PDLIM7: variants seen among roughly 807,000 people sequenced by gnomAD.
The protein encoded by PDLIM7 is PDZ and LIM domain protein 7.
PDLIM7 carries 37 observed loss-of-function variants against 53.9 expected under a neutral mutation model. The ratio of observed to expected loss-of-function variants is 0.69; its 90% CI spans 0.53 to 0.90. The LOEUF (loss-of-function observed/expected upper bound fraction) is 0.90, where lower values mean the gene tolerates loss of function less well. Ranked by LOEUF, PDLIM7 falls within the 40% of genes least tolerant of loss-of-function variation. The pLI is 0.00. For synonymous variants in PDLIM7, 300 were observed against 261.3 expected (o/e 1.15, Z -1.43); for missense variants, 617 against 638.5 (o/e 0.97, Z 0.36).
chr5:177,483,897 G>A lies in PDLIM7; in HGVS notation c.1257C>T (p.Phe419=), dbSNP rs757905078. The A allele has an allele frequency of 8.7e-6, 14 of 1,613,666 alleles. No homozygotes were observed. Among genetic ancestry groups the A allele is most frequent in the African/African-American group, 4.0e-5 (3 of 74,908 alleles). Residue 419 remains phenylalanine (F), a synonymous_variant, in exon 12 of 13, where the codon TTC becomes TTT. Transcript: ENST00000355841. ...AGDRFLEALG[F]SWHDTCFVCA... is the part of the protein sequence containing the mutation. ...AGACGAAGCAGGTGTCATGCCAGCT[G>A]AAGCCCAGGGCCTCCAGGAAGCGGT... is the stretch of plus-strand genomic sequence containing the variant.
At chr5:177,491,779 G>T (rs1758801494) in intron 5 of PDLIM7, 28 bp downstream of exon 5, 1 of 1,083,292 alleles carries the variant, frequency 9.2e-7, no homozygotes, top group Non-Finnish European at 1.2e-6. Flanking sequence ...CTGATGGCGT[G>T]GGCGCGGGCG....
At chr5:177,491,646 G>A in intron 5 of PDLIM7, 161 bp downstream of exon 5, 1 of 616,168 alleles carries the variant, frequency 1.6e-6, no homozygotes, top group African/African-American at 1.9e-5. Context: ...CACAGCCTCG[G>A]GAGGGGCCCT....
intron 10 of PDLIM7, 131 bp from the exon 11 acceptor site, chr5:177,484,321 C>T: frequency 1.9e-6 from 2 of 1,072,136 alleles, no homozygotes; most frequent in East Asian, 2.5e-5. Flanking sequence ...CTGTTCAGGA[C>T]TCCCACACCT....
rs374743928 is a variant in PDLIM7 at position 177,490,494 on chromosome 5, G to A, written c.572+376C>T. ...AGAGGGCAGCCGGCTGGAGAGGGCC[G>A]GGCTACGACTGCACGTTGAGCACGT... On this transcript the variant is annotated intron_variant, in intron 7 of 12. Transcript: ENST00000355841. 1.3e-3 allele frequency: 2,005 copies of A among 1,553,672 alleles called. 3 individuals are homozygous for A. The highest frequency in any genetic ancestry group is 8.1e-3 in the Middle Eastern group (36 of 4,460).
chr5:177,487,657 T>C (rs928932768), intron 10 of PDLIM7, among the ~76,000 whole-genome samples: 1 of 152,254 alleles, frequency 6.6e-6, no homozygotes, highest in South Asian at 2.1e-4. Flanking sequence ...TAAACCTCAC[T>C]AATATGAACA....
chr5:177,491,570 C>T (rs528092318), intron 5 of PDLIM7: 5 of 729,596 alleles, frequency 6.9e-6, no homozygotes, highest in Non-Finnish European at 1.2e-5. Context: ...ACCCAACCCC[C>T]AGCCGCCAGC....
At chr5:177,484,287 T>C in intron 10 of PDLIM7, 97 bp from the exon 11 acceptor site, 1 of 1,479,188 alleles carries the variant, frequency 6.8e-7, no homozygotes, top group Non-Finnish European at 9.2e-7. Flanking sequence ...CCCTGTTCCT[T>C]CTCGCGGTAA....
intron 1 of PDLIM7, chr5:177,496,990 C>A (rs1759109413): frequency 1.2e-5 from 1 of 82,790 alleles, no homozygotes; most frequent in Non-Finnish European, 2.4e-5. Context: ...AGGGAGCACA[C>A]GGGGGCTTGG....
At chr5:177,497,083 C>T (rs1262564751) in intron 1 of PDLIM7, among the ~76,000 whole-genome samples, 6 of 150,362 alleles carry the variant, frequency 4.0e-5, no homozygotes. Context: ...CATTCCGGGA[C>T]CAGTCGAGGC....
Position 177,496,253 on chromosome 5 carries a change from T to C in PDLIM7, c.96+164A>G, listed in dbSNP as rs914691930. Among the ~76,000 whole-genome samples the C allele has an allele frequency of 6.6e-5, 10 of 152,150 alleles. No individual in the cohort carries two copies. The South Asian group carries it at 1.4e-3, about 22-fold the overall frequency. On this transcript the variant is annotated intron_variant, in intron 2 of 12. Transcript: ENST00000355841. ...GTGCTCCCTCCCAGTATCCACCTCA[T>C]TGGGAGTCCTTGTGGCAGGCAGGTA...
chr5:177,491,116 G>A lies in PDLIM7; in HGVS notation c.429C>T (p.Ala143=). 6.2e-7 allele frequency: 1 copy of A among 1,612,338 alleles called. No homozygotes were observed. The highest frequency in any genetic ancestry group is 8.5e-7 in the Non-Finnish European group (1 of 1,179,374). The change falls in exon 6 of 13, where the codon GCC becomes GCT. Residue 143 remains alanine, a synonymous_variant. Coordinates refer to ENST00000355841, the MANE Select transcript of PDLIM7 (RefSeq NM_005451.5). ...TGTTCTCCATCAGCCGCTGCTTGCTGGCATCTGGGACCAGCGGTCGGAGCG... is the reference window on the plus strand; with the variant it reads ...TGTTCTCCATCAGCCGCTGCTTGCTAGCATCTGGGACCAGCGGTCGGAGCG... ...GQPLRPLVPD[A]SKQRLMENTE...
At chr5:177,491,773 T>TGGCGTG (rs966417923) in intron 5 of PDLIM7, 34 bp downstream of exon 5, 60 of 1,034,582 alleles carry the variant, frequency 5.8e-5, no homozygotes, top group African/African-American at 3.9e-4. Flanking sequence ...GTGGGCCTGA[T>TGGCGTG]GGCGTGGGCG....
Position 177,483,736 on chromosome 5 carries a change from G to A in PDLIM7, c.1288-6C>T, listed in dbSNP as rs1235452989. 2 of 1,610,216 alleles carry A rather than the reference G, an allele frequency of 1.2e-6. No homozygotes were observed. The highest frequency in any genetic ancestry group is 1.7e-5 in the Admixed American group (1 of 59,972). ...TCCAGGTTGATCTGACATATCTAAG[G>A]ACAGCAAAGGCCCAGTCACATGGGG... On this transcript the variant is annotated splice_region_variant and splice_polypyrimidine_tract_variant and intron_variant, in intron 12 of 12. Coordinates refer to ENST00000355841, the MANE Select transcript of PDLIM7 (RefSeq NM_005451.5).
intron 5 of PDLIM7, chr5:177,491,390 G>A (rs367671048): frequency 3.8e-5 from 59 of 1,552,204 alleles, no homozygotes; most frequent in South Asian, 7.1e-5. Flanking sequence ...ACAGGCAGAG[G>A]GGGGCTCACT....
intron 5 of PDLIM7, 196 bp from the exon 6 acceptor site, chr5:177,491,342 G>T: frequency 6.5e-7 from 1 of 1,541,558 alleles, no homozygotes; most frequent in Non-Finnish European, 8.8e-7. Context: ...GGGTGGGGAG[G>T]GGCCGCCACC....
At chr5:177,486,604 A>G (rs163201) in intron 10 of PDLIM7, among the ~76,000 whole-genome samples, 147,879 of 152,210 alleles carry the variant, frequency 0.97, 71,952 homozygotes, top group East Asian at 1. Flanking sequence ...GTGGGCTGGT[A>G]GGGCAGGAGC....
rs1759054444 is a variant in PDLIM7 at position 177,496,057 on chromosome 5, TCA to T, written c.96+358_96+359del. Reference sequence around the variant, plus strand: ...GTGAGGCTGAAGTGAAATCCTATAGTCACAGTGTCCTGCCTGGGGCCTGGCTC... The same window carrying T: ...GTGAGGCTGAAGTGAAATCCTATAGTCAGTGTCCTGCCTGGGGCCTGGCTC... On this transcript the variant is annotated intron_variant, in intron 2 of 12. Transcript: ENST00000355841. Among the ~76,000 whole-genome samples, 6 of 152,040 alleles carry T rather than the reference TCA, an allele frequency of 3.9e-5. No homozygotes were observed. In the South Asian group the frequency reaches 1.2e-3, roughly 32 times the overall value.
Position 177,489,613 on chromosome 5 carries a change from T to C in PDLIM7, c.649A>G (p.Ser217Gly). ...GCCCAGGGCGGGCGGCTGGTAGGGC[T>C]GGGGGCGGTAGGGCCTGCCGGGGAA... ...QEPWPGPTAP[S>G]PTSRPPWAVD... is the part of the protein sequence containing the mutation. Residue 217 changes from serine (S) to glycine (G), a missense_variant, in exon 9 of 13, where the codon AGC becomes GGC. Ser to Gly is a moderately conservative substitution (Grantham distance 56). Transcript: ENST00000355841. 2 of 1,600,142 alleles carry C rather than the reference T, an allele frequency of 1.2e-6. No individual in the cohort carries two copies. The highest frequency in any genetic ancestry group is 1.7e-6 in the Non-Finnish European group (2 of 1,175,028).
In PDLIM7 at chr5:177,483,935, T is replaced by C. The variant is rs1321655589; in HGVS notation, c.1219A>G (p.Ile407Val). Residue 407 changes from isoleucine to valine, a missense_variant, in exon 12 of 13, where the codon ATC (isoleucine) becomes GTC (valine). Ile to Val is a conservative substitution (Grantham distance 29, BLOSUM62 3). Coordinates refer to ENST00000355841, the MANE Select transcript of PDLIM7 (RefSeq NM_005451.5). ...TCCAGGAAGCGGTCCCCAGCGTCGA[T>C]CTTGAAGTCACAGCCATGGCATTTC... The part of the protein sequence containing the change: ...GTKCHGCDFK[I>V]DAGDRFLEAL... 6.2e-7 allele frequency: 1 copy of C among 1,613,906 alleles called. No individual in the cohort carries two copies.
Sources: gnomAD v4.1 joint callset for allele counts (sites outside exome capture counted in the v4.1 genomes callset) on GRCh38, gnomAD v4.1.1 for gene constraint, MANE v1.5 for transcripts, NCBI Gene and HGNC (gene_info 2026-07-23, HGNC 2026-07-21) for gene names.